ADAMTS16: variants seen among roughly 807,000 people sequenced by gnomAD.
The protein encoded by ADAMTS16 is ADAM metallopeptidase with thrombospondin type 1 motif 16.
Under a neutral mutation model 145.8 loss-of-function variants are expected in ADAMTS16, and 94 were observed. That is an observed-to-expected ratio of 0.64 (90% CI 0.55 to 0.77). The LOEUF is 0.77. Ranked by LOEUF, ADAMTS16 falls within the 30% of genes least tolerant of loss-of-function variation. The probability of loss-of-function intolerance (pLI) is 0.00; values close to 1 mark genes in which losing one functional copy is unlikely to be tolerated. For synonymous variants in ADAMTS16, 659 were observed against 604.3 expected, an observed-to-expected ratio of 1.09 and a Z score of -1.33; for missense variants, 1,585 against 1,591.5, an observed-to-expected ratio of 1.00 and a Z score of 0.07.
At position 5,189,994 on chromosome 5, in the gene ADAMTS16, C is replaced by T. The variant is rs372920104; in HGVS notation, c.1071C>T (p.His357=). The change falls in exon 7 of 23, where the codon CAC becomes CAT. Residue 357 remains histidine (H), a synonymous_variant. Transcript: ENST00000274181. Reference sequence around the variant, plus strand: ...AGCCAGGACTGGTGATAAGTCACCACGCAGACCACACCTTAAGTAGCTTCT... The same window carrying T: ...AGCCAGGACTGGTGATAAGTCACCATGCAGACCACACCTTAAGTAGCTTCT... ...DEQPGLVISH[H]ADHTLSSFCQ... The T allele has an allele frequency of 4.8e-5, 78 of 1,611,174 alleles. No homozygotes were observed. The highest frequency in any genetic ancestry group is 1.6e-4 in the African/African-American group (12 of 74,886).
chr5:5,240,251 C>A (rs1426180828), intron 16 of ADAMTS16, among the ~76,000 whole-genome samples: 1 of 152,114 alleles, frequency 6.6e-6, no homozygotes, highest in African/African-American at 2.4e-5. Context: ...CTGACTTCGC[C>A]TGTGTCTGGG....
intron 6 of ADAMTS16, among the ~76,000 whole-genome samples, chr5:5,188,952 G>C (rs1262733525): frequency 6.6e-6 from 1 of 152,118 alleles, no homozygotes; most frequent in Non-Finnish European, 1.5e-5. Flanking sequence ...TCGTTTGATC[G>C]TACACCTGTG....
chr5:5,163,120 G>T (rs1472329388), intron 3 of ADAMTS16, among the ~76,000 whole-genome samples: 1 of 152,124 alleles, frequency 6.6e-6, no homozygotes, highest in Non-Finnish European at 1.5e-5. Flanking sequence ...TGAGAGAATA[G>T]GTATTGGGGC....
intron 18 of ADAMTS16, among the ~76,000 whole-genome samples, chr5:5,298,495 A>G (rs1739639537): frequency 6.6e-6 from 1 of 152,236 alleles, no homozygotes; most frequent in African/African-American, 2.4e-5. Context: ...ATGGCAAGTA[A>G]TAAGGCCCTT....
intron 9 of ADAMTS16, among the ~76,000 whole-genome samples, chr5:5,200,592 G>T (rs1735928050): frequency 6.6e-6 from 1 of 152,304 alleles, no homozygotes; most frequent in South Asian, 2.1e-4. Flanking sequence ...TTCAGGAAGT[G>T]AATAGAAAGA....
intron 21 of ADAMTS16, among the ~76,000 whole-genome samples, chr5:5,307,560 C>T (rs944312735): frequency 1.3e-5 from 2 of 152,174 alleles, no homozygotes; most frequent in African/African-American, 2.4e-5. Context: ...ACTGTCTCGC[C>T]CATCTCCATG....
chr5:5,301,377 C>A (rs1200008492), intron 18 of ADAMTS16, among the ~76,000 whole-genome samples: 1 of 152,186 alleles, frequency 6.6e-6, no homozygotes, highest in African/African-American at 2.4e-5. Context: ...GCTACCACAC[C>A]CAGCCTAGAC....
intron 18 of ADAMTS16, among the ~76,000 whole-genome samples, chr5:5,291,266 T>C (rs74856396): frequency 0.085 from 12,998 of 152,094 alleles, 609 homozygotes; most frequent in Middle Eastern, 0.14. Context: ...ATAATAAGTA[T>C]AAAATAATAC....
chr5:5,241,430 G>A (rs1737288483), intron 16 of ADAMTS16, among the ~76,000 whole-genome samples: 1 of 152,148 alleles, frequency 6.6e-6, no homozygotes, highest in African/African-American at 2.4e-5. Flanking sequence ...GACTTAATGG[G>A]TACCTGCCCG....
intron 17 of ADAMTS16, among the ~76,000 whole-genome samples, chr5:5,262,079 AATAG>A (rs1468727072): frequency 3.9e-5 from 6 of 152,272 alleles, no homozygotes; most frequent in Admixed American, 2.0e-4. Context: ...CAAAGTCTTA[AATAG>A]ATAGAGGCTG....
At chr5:5,219,209 C>T (rs1459272781) in intron 10 of ADAMTS16, among the ~76,000 whole-genome samples, 2 of 152,062 alleles carry the variant, frequency 1.3e-5, no homozygotes, top group African/African-American at 2.4e-5. Context: ...ATATCCTTCA[C>T]CTTAAATGTT....
At chr5:5,198,897 C>G (rs1735880766) in intron 8 of ADAMTS16, among the ~76,000 whole-genome samples, 2 of 152,172 alleles carry the variant, frequency 1.3e-5, no homozygotes, top group Non-Finnish European at 2.9e-5. Context: ...TAAATAGAAA[C>G]CACCATGTCC....
At chr5:5,268,389 T>G (rs180961272) in intron 18 of ADAMTS16, among the ~76,000 whole-genome samples, 1 of 152,326 alleles carries the variant, frequency 6.6e-6, no homozygotes, top group East Asian at 1.9e-4. Context: ...TACGTAGCAC[T>G]GCAGACGAAG....
intron 3 of ADAMTS16, among the ~76,000 whole-genome samples, chr5:5,150,237 A>G (rs1014629184): frequency 7.9e-5 from 12 of 152,236 alleles, no homozygotes; most frequent in Admixed American, 7.2e-4. Flanking sequence ...AGTGAGTACG[A>G]AGTAGTATCC....
chr5:5,318,547 C>G (rs749066866), intron 22 of ADAMTS16, among the ~76,000 whole-genome samples: 1 of 152,176 alleles, frequency 6.6e-6, no homozygotes. Context: ...AGAAAGCAAT[C>G]TTAACTAAAG....
chr5:5,249,180 C>T (rs1737544270), intron 17 of ADAMTS16, among the ~76,000 whole-genome samples: 1 of 152,128 alleles, frequency 6.6e-6, no homozygotes. Context: ...TAGACTAATC[C>T]AAGATCTTGA....
intron 3 of ADAMTS16, among the ~76,000 whole-genome samples, chr5:5,151,157 AC>A (rs1734441946): frequency 6.6e-6 from 1 of 151,868 alleles, no homozygotes; most frequent in Non-Finnish European, 1.5e-5. Flanking sequence ...TTAAAAATGT[AC>A]CTTCATTCAA....
intron 3 of ADAMTS16, among the ~76,000 whole-genome samples, chr5:5,153,968 A>G (rs1734537865): frequency 6.6e-6 from 1 of 152,078 alleles, no homozygotes; most frequent in African/African-American, 2.4e-5. Context: ...CCCTGGTTTG[A>G]ATTGTACTGG....
In ADAMTS16 at chr5:5,242,148, T is replaced by A. The variant is rs778140266; in HGVS notation, c.2619T>A (p.Thr873=). 6.2e-7 allele frequency: 1 copy of A among 1,614,186 alleles called. No individual in the cohort carries two copies. The highest frequency in any genetic ancestry group is 1.7e-5 in the Admixed American group (1 of 60,028). The change falls in exon 17 of 23, where the codon ACT becomes ACA. Residue 873 remains threonine, a synonymous_variant. Transcript: ENST00000274181. ...EKQPPAQPSY[T]WAIVRSECSV... ...AGCCCCCTGCCCAGCCCAGCTACAC[T>A]TGGGCCATCGTGCGCTCTGAGTGCT...
Sources: allele counts gnomAD v4.1 joint callset (sites outside exome capture counted in the v4.1 genomes callset), GRCh38; gene constraint gnomAD v4.1.1; transcripts MANE v1.5; gene names NCBI Gene and HGNC (gene_info 2026-07-23, HGNC 2026-07-21).